CPNE5: variants seen among roughly 807,000 people sequenced by gnomAD.
CPNE5 encodes the protein copine 5, also known as copine-5.
A neutral mutation model predicts 81.1 loss-of-function variants in CPNE5; 42 were observed. The observed-to-expected ratio is 0.52, with a 90% CI of 0.40 to 0.67. The LOEUF is 0.67. Ranked by LOEUF, CPNE5 falls within the 30% of genes least tolerant of loss-of-function variation. The pLI is 0.00. For missense variants in CPNE5, 612 were observed against 815.5 expected (o/e 0.75, Z 3.04); for synonymous variants, 313 against 321.5 (o/e 0.97, Z 0.28).
At chr6:36,759,503 C>CT (rs1470928380) in intron 12 of CPNE5, among the ~76,000 whole-genome samples, 1 of 151,894 alleles carries the variant, frequency 6.6e-6, no homozygotes, top group Non-Finnish European at 1.5e-5. Context: ...AGGAGCTGTG[C>CT]TGGCTCTGGG....
chr6:36,746,095 TTCTGGGGCCC>T lies in CPNE5; in HGVS notation c.1200+291_1200+300del, dbSNP rs1764129270. 1 of 911,650 alleles carries T rather than the reference TTCTGGGGCCC, an allele frequency of 1.1e-6. No individual in the cohort carries two copies. Among genetic ancestry groups the T allele is most frequent in the East Asian group, 1.2e-4 (1 of 8,376 alleles). 56.5% of individuals were successfully genotyped at this position (911,650 alleles called of 1,614,324 possible). A position where few individuals can be genotyped will look rare whatever the true frequency, so the allele number is the denominator to read the frequency against. ...CCAACCCACACCACCTTGTTCACTTTTCTGGGGCCCTGAGGGATGGGTCAGCCACAGCTCG... is the reference window on the plus strand; with the variant it reads ...CCAACCCACACCACCTTGTTCACTTTTGAGGGATGGGTCAGCCACAGCTCG... On this transcript the variant is annotated intron_variant, in intron 16 of 20. Transcript: ENST00000244751. The surrounding 1 kb of genome is among the most constrained non-coding windows in gnomAD (Gnocchi z 4.5).
At chr6:36,756,217 G>T (rs578149015) in intron 13 of CPNE5, 28 bp downstream of exon 13, 32 of 1,595,396 alleles carry the variant, frequency 2.0e-5, no homozygotes, top group Non-Finnish European at 2.7e-5. Flanking sequence ...GTCTACACCC[G>T]GCTGCAGAGA....
At chr6:36,837,965 T>A (rs1012749068) in intron 1 of CPNE5, among the ~76,000 whole-genome samples, 21 of 151,780 alleles carry the variant, frequency 1.4e-4, no homozygotes, top group African/African-American at 4.6e-4. Context: ...GCAAATGGCG[T>A]TGGGAGATGA....
intron 6 of CPNE5, among the ~76,000 whole-genome samples, chr6:36,796,896 A>T (rs1166914628): frequency 6.6e-6 from 1 of 152,048 alleles, no homozygotes; most frequent in Admixed American, 6.6e-5. Flanking sequence ...CCACACACAC[A>T]CACATTGCAG....
At chr6:36,801,196 A>G (rs1028549844) in intron 3 of CPNE5, among the ~76,000 whole-genome samples, 1 of 152,254 alleles carries the variant, frequency 6.6e-6, no homozygotes, top group African/African-American at 2.4e-5. Flanking sequence ...ATTGAATCCC[A>G]TTCAATTTTG....
chr6:36,744,831 C>T lies in CPNE5; in HGVS notation c.1431+217G>A, dbSNP rs148951529. Among the ~76,000 whole-genome samples, 297 of 152,316 alleles carry T rather than the reference C, an allele frequency of 1.9e-3. 3 individuals carry two copies. Among genetic ancestry groups the T allele is most frequent in the African/African-American group, 4.9e-3 (203 of 41,560 alleles). ...TCATGATCTGGGCACCCCTTCCACC[C>T]GCTAGAATCCACTATCCAGCACCGG... On this transcript the variant is annotated intron_variant, in intron 18 of 20. Transcript: ENST00000244751.
chr6:36,776,425 G>A (rs1199611931), intron 9 of CPNE5, among the ~76,000 whole-genome samples: 2 of 152,184 alleles, frequency 1.3e-5, no homozygotes. Flanking sequence ...ACACACCTCA[G>A]AGCTGGTGGT....
chr6:36,742,196 G>A lies in CPNE5; in HGVS notation c.*72C>T. 7.9e-7 allele frequency: 1 copy of A among 1,261,258 alleles called. No homozygotes were observed. Among genetic ancestry groups the A allele is most frequent in the Non-Finnish European group, 1.1e-6 (1 of 914,716 alleles). The allele number at this position is 1,261,258 out of a possible 1,614,324, so 78.1% of individuals were successfully genotyped here. A position where few individuals can be genotyped will look rare whatever the true frequency, so the allele number is the denominator to read the frequency against. On this transcript the variant is annotated 3_prime_UTR_variant, in exon 21 of 21. Coordinates refer to ENST00000244751, the MANE Select transcript of CPNE5 (RefSeq NM_020939.2). The stretch of plus-strand genomic sequence containing the variant: ...AAAGGCCGGGCAGGCCAACTTCGGG[G>A]AGTCTGGGGCCCTGGCCTCCCATTC...
At chr6:36,785,319 T>C (rs902477354) in intron 8 of CPNE5, among the ~76,000 whole-genome samples, 4 of 152,130 alleles carry the variant, frequency 2.6e-5, no homozygotes, top group African/African-American at 9.7e-5. Flanking sequence ...GTATGAGGTG[T>C]GTGCAAAATT....
At chr6:36,837,697 GT>G (rs1773640290) in intron 1 of CPNE5, among the ~76,000 whole-genome samples, 1 of 152,142 alleles carries the variant, frequency 6.6e-6, no homozygotes, top group Non-Finnish European at 1.5e-5. Flanking sequence ...CTTTTCAGGA[GT>G]GGGGGGATCA....
chr6:36,770,520 G>A (rs975512091), intron 10 of CPNE5, among the ~76,000 whole-genome samples: 2 of 152,046 alleles, frequency 1.3e-5, no homozygotes, highest in South Asian at 2.1e-4. Context: ...CATCAGGCCC[G>A]GGTTCTCATC....
At position 36,792,083 on chromosome 6, in the gene CPNE5, T is replaced by C; in HGVS notation, c.478A>G (p.Lys160Glu). 6.2e-7 allele frequency: 1 copy of C among 1,613,948 alleles called. No individual in the cohort carries two copies. Among genetic ancestry groups the C allele is most frequent in the Non-Finnish European group, 8.5e-7 (1 of 1,179,888 alleles). Residue 160 changes from lysine to glutamate, a missense_variant, in exon 8 of 21, where the codon AAG (lysine) becomes GAG (glutamate). Physicochemically the swap from Lys to Glu is moderately conservative, Grantham distance 56. Transcript: ENST00000244751. ...GACAGGATGATGGTGCCACATTTCT[T>C]TCCTGGGACACCACTGGGAGAGGAG... is the stretch of plus-strand genomic sequence containing the variant. ...PAVSNGGVPG[K>E]KCGTIILSAE...
At chr6:36,776,230 C>A (rs113049754) in intron 9 of CPNE5, among the ~76,000 whole-genome samples, 57 of 152,246 alleles carry the variant, frequency 3.7e-4, no homozygotes, top group African/African-American at 1.3e-3. Context: ...CCAGCTACAT[C>A]TCTGGTTAGA....
intron 10 of CPNE5, among the ~76,000 whole-genome samples, chr6:36,768,225 C>CTTTTTTT (rs10586762): frequency 2.3e-4 from 14 of 60,500 alleles, no homozygotes; most frequent in Non-Finnish European, 3.0e-4. Flanking sequence ...ATTCACAGTT[C>CTTTTTTT]TTTTTTTTTT....
At chr6:36,765,616 G>A (rs1370717882) in intron 10 of CPNE5, among the ~76,000 whole-genome samples, 1 of 152,306 alleles carries the variant, frequency 6.6e-6, no homozygotes, top group East Asian at 1.9e-4. Flanking sequence ...CAAGGAGAAT[G>A]TGGGAAAAAC....
chr6:36,746,520 T>C lies in CPNE5; in HGVS notation c.1076A>G (p.Tyr359Cys), dbSNP rs1473199222. 1.2e-6 allele frequency: 2 copies of C among 1,613,600 alleles called. No individual in the cohort carries two copies. Among genetic ancestry groups the C allele is most frequent in the African/African-American group, 2.7e-5 (2 of 74,890 alleles). The change falls in exon 16 of 21, where the codon TAC becomes TGC. Residue 359 changes from tyrosine (Y) to cysteine (C), a missense_variant. Transcript: ENST00000244751. The surrounding 1 kb of genome is among the most constrained non-coding windows in gnomAD (Gnocchi z 4.5). ...TCCGACGGCAGTCAGCGCCAGCGCG[T>C]AGGCGTTCAGCTGGTAGGGGCTCAT... is the stretch of plus-strand genomic sequence containing the variant. Reference protein sequence around the residue: ...HYMSPYQLNAYALALTAVGEI... With the variant: ...HYMSPYQLNACALALTAVGEI...
chr6:36,792,844 C>T (rs1452385883), intron 7 of CPNE5, among the ~76,000 whole-genome samples: 1 of 152,186 alleles, frequency 6.6e-6, no homozygotes, highest in South Asian at 2.1e-4. Flanking sequence ...TCCCAGCCCA[C>T]TCTAATGTTT....
chr6:36,812,799 G>A (rs1771214603), intron 3 of CPNE5, among the ~76,000 whole-genome samples: 1 of 152,238 alleles, frequency 6.6e-6, no homozygotes, highest in Non-Finnish European at 1.5e-5. Context: ...TAAGGCTCAG[G>A]AGGGACCTCT....
intron 8 of CPNE5, among the ~76,000 whole-genome samples, chr6:36,783,982 T>A (rs1452464890): frequency 6.6e-6 from 1 of 152,192 alleles, no homozygotes; most frequent in Non-Finnish European, 1.5e-5. Context: ...ATAAGTTTAA[T>A]TACATTCCAA....
Sources: gnomAD v4.1 joint callset for allele counts (sites outside exome capture counted in the v4.1 genomes callset) on GRCh38, gnomAD v4.1.1 for gene constraint, Gnocchi (gnomAD v3.1) non-coding constraint, MANE v1.5 for transcripts, NCBI Gene and HGNC (gene_info 2026-07-23, HGNC 2026-07-21) for gene names.